MDM1: variants seen among roughly 807,000 people sequenced by gnomAD.
MDM1 encodes Mdm1 nuclear protein.
In MDM1, 61 loss-of-function variants were observed where a neutral mutation model predicts 89.1. The observed-to-expected ratio is 0.68, with a 90% confidence interval of 0.56 to 0.85. The LOEUF (loss-of-function observed/expected upper bound fraction) is 0.85. Ranked by LOEUF, MDM1 falls within the 40% of genes least tolerant of loss-of-function variation. The pLI, the probability that MDM1 is intolerant of heterozygous loss-of-function variation, is 0.00. For synonymous variants in MDM1, 290 were observed against 294.1 expected, an observed-to-expected ratio of 0.99 and a Z score of 0.14; for missense variants, 820 against 846.5, an observed-to-expected ratio of 0.97 and a Z score of 0.39.
intron 4 of MDM1, among the ~76,000 whole-genome samples, chr12:68,324,634 C>A (rs949351285): frequency 2.0e-5 from 3 of 152,010 alleles, no homozygotes; most frequent in Admixed American, 6.5e-5. Flanking sequence ...TGTTGACGTA[C>A]AGGAGAAAAT....
intron 7 of MDM1, among the ~76,000 whole-genome samples, chr12:68,320,262 C>A (rs1875040772): frequency 6.6e-6 from 1 of 152,232 alleles, no homozygotes; most frequent in Admixed American, 6.5e-5. Flanking sequence ...GCTTTCGATG[C>A]TCCTAGTTTT....
intron 13 of MDM1, among the ~76,000 whole-genome samples, chr12:68,298,498 C>T (rs1871709742): frequency 6.6e-6 from 1 of 152,186 alleles, no homozygotes; most frequent in South Asian, 2.1e-4. Context: ...ACTGCAGACA[C>T]AGCTGGGACT....
At chr12:68,306,870 C>A (rs1202135241) in intron 12 of MDM1, among the ~76,000 whole-genome samples, 1 of 152,194 alleles carries the variant, frequency 6.6e-6, no homozygotes, top group Non-Finnish European at 1.5e-5. Flanking sequence ...GGAAATCATT[C>A]TATGAAAAAG....
At chr12:68,332,087 C>A in intron 1 of MDM1, 141 bp downstream of exon 1, 1 of 1,166,690 alleles carries the variant, frequency 8.6e-7, no homozygotes, top group Non-Finnish European at 1.2e-6. Flanking sequence ...GATTCTGGGG[C>A]CCCTCGAGCA....
Position 68,326,988 on chromosome 12 carries a change from C to T in MDM1, c.167G>A (p.Arg56Lys). ...CTGTGGGTCATGGTAAGGGACTCTTCTTTTTGAAATAAAACTTGGCTCTTT... is the reference window on the plus strand; with the variant it reads ...CTGTGGGTCATGGTAAGGGACTCTTTTTTTTGAAATAAAACTTGGCTCTTT... The part of the protein sequence containing the change: ...ITKEPSFISK[R>K]RVPYHDPQIS... Residue 56 changes from arginine (R) to lysine (K), a missense_variant, in exon 3 of 15, where the codon AGA (arginine) becomes AAA (lysine). Physicochemically the swap from Arg to Lys is conservative, Grantham distance 26. Coordinates refer to ENST00000682720, the MANE Select transcript of MDM1 (RefSeq NM_001354969.2). 1 of 1,602,680 alleles carries T rather than the reference C, an allele frequency of 6.2e-7. No homozygotes were observed. Among genetic ancestry groups the T allele is most frequent in the Non-Finnish European group, 8.5e-7 (1 of 1,176,330 alleles).
intron 2 of MDM1, among the ~76,000 whole-genome samples, chr12:68,328,106 C>T (rs573070244): frequency 6.6e-6 from 1 of 152,142 alleles, no homozygotes; most frequent in African/African-American, 2.4e-5. Context: ...CCAGTGCGTC[C>T]GCCCAAGGTA....
chr12:68,317,647 C>CA (rs35602965), intron 7 of MDM1, among the ~76,000 whole-genome samples: 3 of 149,958 alleles, frequency 2.0e-5, no homozygotes, highest in South Asian at 4.2e-4. Context: ...TCTTCACTGC[C>CA]AAAAAAAAAG....
chr12:68,332,291 A>G lies in MDM1; in HGVS notation c.-46T>C. The G allele has an allele frequency of 1.3e-6, 2 of 1,562,554 alleles. No individual in the cohort carries two copies. The highest frequency in any genetic ancestry group is 1.7e-6 in the Non-Finnish European group (2 of 1,154,866). ...CCGCTACTCCGACAGTTAACTGGAG[A>G]AAAAGCTCCGAGGGGGCGGGGCGAT... On this transcript the variant is annotated 5_prime_UTR_variant, in exon 1 of 15. Coordinates refer to ENST00000682720, the MANE Select transcript of MDM1 (RefSeq NM_001354969.2).
intron 5 of MDM1, 22 bp from the exon 6 acceptor site, chr12:68,321,650 CTT>C: frequency 6.7e-7 from 1 of 1,493,896 alleles, no homozygotes. Context: ...ATCATTTAAG[CTT>C]TTTATGCTTA....
At chr12:68,330,073 A>G (rs1188570249) in intron 2 of MDM1, among the ~76,000 whole-genome samples, 1 of 152,148 alleles carries the variant, frequency 6.6e-6, no homozygotes, top group Non-Finnish European at 1.5e-5. Flanking sequence ...CCTCAAAAAG[A>G]GCCTTTCCCA....
chr12:68,322,717 T>G (rs1875396404), intron 5 of MDM1, among the ~76,000 whole-genome samples: 1 of 152,262 alleles, frequency 6.6e-6, no homozygotes, highest in Admixed American at 6.5e-5. Flanking sequence ...CTATCACTAC[T>G]GTTACCCCTG....
intron 8 of MDM1, 31 bp from the exon 9 acceptor site, chr12:68,316,284 A>G (rs1874493368): frequency 6.3e-7 from 1 of 1,575,336 alleles, no homozygotes; most frequent in East Asian, 2.2e-5. Flanking sequence ...ATCATATACT[A>G]TTGTAAATGC....
chr12:68,304,468 C>A (rs1872616088), intron 12 of MDM1, among the ~76,000 whole-genome samples: 1 of 152,152 alleles, frequency 6.6e-6, no homozygotes, highest in Non-Finnish European at 1.5e-5. Context: ...CTGTTAGTCT[C>A]AACCAATAAA....
At chr12:68,297,068 T>C in intron 13 of MDM1, 86 bp from the exon 14 acceptor site, 1 of 863,744 alleles carries the variant, frequency 1.2e-6, no homozygotes, top group Non-Finnish European at 1.7e-6. Flanking sequence ...TTAGTAAAAG[T>C]AGGCTGTCAG....
chr12:68,314,623 C>G (rs1190505249), intron 10 of MDM1, among the ~76,000 whole-genome samples: 1 of 152,050 alleles, frequency 6.6e-6, no homozygotes, highest in Non-Finnish European at 1.5e-5. Flanking sequence ...TAAAGAACAC[C>G]AGTTTTTTTC....
At chr12:68,301,331 T>C (rs1460899335) in intron 13 of MDM1, among the ~76,000 whole-genome samples, 1 of 152,056 alleles carries the variant, frequency 6.6e-6, no homozygotes, top group Non-Finnish European at 1.5e-5. Context: ...GAGGTGGAGG[T>C]CATTATTCTA....
At chr12:68,327,065 A>T in intron 2 of MDM1, 44 bp from the exon 3 acceptor site, 1 of 1,523,830 alleles carries the variant, frequency 6.6e-7, no homozygotes, top group Non-Finnish European at 8.7e-7. Flanking sequence ...TAAAGCAAAA[A>T]GTTACAAAGA....
intron 4 of MDM1, among the ~76,000 whole-genome samples, chr12:68,323,903 T>A (rs1273270269): frequency 3.3e-5 from 5 of 152,162 alleles, no homozygotes; most frequent in Admixed American, 2.6e-4. Flanking sequence ...TAGTACAGTA[T>A]AACCTCAAGG....
intron 8 of MDM1, 41 bp downstream of exon 8, chr12:68,316,540 A>T: frequency 6.8e-7 from 1 of 1,477,508 alleles, no homozygotes; most frequent in Middle Eastern, 1.7e-4. Context: ...TTACACAAGT[A>T]ATCTATGATT....
Sources: gnomAD v4.1 joint callset for allele counts (sites outside exome capture counted in the v4.1 genomes callset) on GRCh38, gnomAD v4.1.1 for gene constraint, MANE v1.5 for transcripts, NCBI Gene and HGNC (gene_info 2026-07-23, HGNC 2026-07-21) for gene names.